FANK1: variants seen among roughly 807,000 people sequenced by gnomAD.
FANK1 encodes the protein fibronectin type 3 and ankyrin repeat domains protein 1.
FANK1 carries 44 observed loss-of-function variants against 45.3 expected under a neutral mutation model. The observed-to-expected ratio is 0.97, with a 90% CI of 0.76 to 1.25. The LOEUF (loss-of-function observed/expected upper bound fraction) is 1.25, where lower values mean the gene tolerates loss of function less well. FANK1 is among the 50% of genes most tolerant of loss of function. FANK1 has a pLI of 0.00. For missense variants in FANK1, 391 were observed against 424.4 expected (o/e 0.92, Z 0.69); for synonymous variants, 149 against 152.5 (o/e 0.98, Z 0.17).
Position 125,930,477 on chromosome 10 carries a change from C to G in FANK1, c.13+33822C>G, listed in dbSNP as rs560957165. Among the ~76,000 whole-genome samples, 3 of 151,890 alleles carry G rather than the reference C, an allele frequency of 2.0e-5. No individual in the cohort carries two copies. The East Asian group carries it at 5.8e-4, about 29-fold the overall frequency. On this transcript the variant is annotated intron_variant, in intron 1 of 10. Transcript: ENST00000368693. ...TCAGCCTCCTGAGCAGCTGGGACAG[C>G]AGGCACAACATGCCACACTCAACTT...
intron 7 of FANK1, among the ~76,000 whole-genome samples, chr10:126,005,307 CT>C (rs35163273): frequency 0.44 from 53,180 of 121,956 alleles, 10,646 homozygotes; most frequent in Non-Finnish European, 0.52. Flanking sequence ...TACTTTCTTT[CT>C]TTTTTTTTTT....
intron 1 of FANK1, among the ~76,000 whole-genome samples, chr10:125,954,012 A>G (rs1028470022): frequency 6.8e-6 from 1 of 148,080 alleles, no homozygotes; most frequent in Non-Finnish European, 1.5e-5. Flanking sequence ...ATGAGAGCAC[A>G]CCGAACGAAG....
At chr10:125,952,732 T>C (rs1949323696) in intron 1 of FANK1, among the ~76,000 whole-genome samples, 1 of 151,722 alleles carries the variant, frequency 6.6e-6, no homozygotes, top group African/African-American at 2.4e-5. Context: ...GTTGTTGTTC[T>C]GTGAGTTGTT....
chr10:125,995,018 G>A, intron 3 of FANK1: 2 of 808,818 alleles, frequency 2.5e-6, no homozygotes, highest in Non-Finnish European at 2.9e-6. Context: ...AAAGCACTTT[G>A]TCTTTTTTTT....
Position 125,980,158 on chromosome 10 carries a change from T to A in FANK1, c.14-3T>A, listed in dbSNP as rs1393030956. ...TGAAGTTCGGTGTCATTCTTTTTTT[T>A]AGAAATCATGCCACCCTCAAAGCCT... On this transcript the variant is annotated splice_polypyrimidine_tract_variant and splice_region_variant and intron_variant, in intron 1 of 10. Coordinates refer to ENST00000368693, the MANE Select transcript of FANK1 (RefSeq NM_145235.5). 1.2e-6 allele frequency: 2 copies of A among 1,606,454 alleles called. No individual in the cohort carries two copies. Among genetic ancestry groups the A allele is most frequent in the Non-Finnish European group, 1.7e-6 (2 of 1,177,442 alleles).
intron 1 of FANK1, among the ~76,000 whole-genome samples, chr10:125,962,906 CTAT>C (rs1379671589): frequency 6.6e-6 from 1 of 151,894 alleles, no homozygotes; most frequent in African/African-American, 2.4e-5. Context: ...CCATTTTCCC[CTAT>C]TATTAACATT....
chr10:126,002,020 T>C (rs1407268098), intron 6 of FANK1, among the ~76,000 whole-genome samples: 1 of 152,068 alleles, frequency 6.6e-6, no homozygotes, highest in African/African-American at 2.4e-5. Flanking sequence ...TATTTAAAAA[T>C]CATGCAGATA....
In FANK1 at chr10:125,980,355, A is replaced by G. The variant is rs1456736437; in HGVS notation, c.191+17A>G. ...CATTTATACGTAGGTGCAGTGTTGA[A>G]TTGCTTGCCACTTTGCCTTACTTCC... On this transcript the variant is annotated intron_variant, in intron 2 of 10. Coordinates refer to ENST00000368693, the MANE Select transcript of FANK1 (RefSeq NM_145235.5). 6.2e-7 allele frequency: 1 copy of G among 1,601,986 alleles called. No individual in the cohort carries two copies. Among genetic ancestry groups the G allele is most frequent in the East Asian group, 2.2e-5 (1 of 44,750 alleles).
At chr10:125,984,341 C>A (rs1951418797) in intron 2 of FANK1, among the ~76,000 whole-genome samples, 1 of 152,306 alleles carries the variant, frequency 6.6e-6, no homozygotes, top group East Asian at 1.9e-4. Flanking sequence ...ACATACTTCA[C>A]TTCTGTGTAT....
At chr10:125,946,012 C>T (rs929046184) in intron 1 of FANK1, among the ~76,000 whole-genome samples, 15 of 152,146 alleles carry the variant, frequency 9.9e-5, no homozygotes, top group Admixed American at 3.3e-4. Context: ...ACACCTCACA[C>T]GGCAGGGTAT....
intron 1 of FANK1, among the ~76,000 whole-genome samples, chr10:125,962,881 T>C (rs771284116): frequency 8.5e-5 from 13 of 152,144 alleles, no homozygotes; most frequent in Admixed American, 3.3e-4. Flanking sequence ...CTCAGAATTC[T>C]CACATAATTT....
At chr10:125,916,163 A>G (rs1405374768) in intron 1 of FANK1, among the ~76,000 whole-genome samples, 1 of 151,856 alleles carries the variant, frequency 6.6e-6, no homozygotes, top group Non-Finnish European at 1.5e-5. Flanking sequence ...TCAGCCTCCC[A>G]AGTAGCAGGG....
rs919860771 is a variant in FANK1 at position 125,924,407 on chromosome 10, C to T, written c.13+27752C>T. Among the ~76,000 whole-genome samples the T allele has an allele frequency of 1.2e-4, 18 of 151,952 alleles. 1 individual carries two copies. Among genetic ancestry groups the T allele is most frequent in the Non-Finnish European group, 2.1e-4 (14 of 67,952 alleles). ...TAGCTGGGACTACAGGTGTGCACCA[C>T]CACGCCCACCTAATTTTTGTATTTT... On this transcript the variant is annotated intron_variant, in intron 1 of 10. Coordinates refer to ENST00000368693, the MANE Select transcript of FANK1 (RefSeq NM_145235.5).
At chr10:126,006,691 C>A (rs1256469028) in intron 7 of FANK1, among the ~76,000 whole-genome samples, 3 of 152,192 alleles carry the variant, frequency 2.0e-5, no homozygotes, top group Non-Finnish European at 4.4e-5. Flanking sequence ...GAAACCCTGT[C>A]TCTACTAAAA....
intron 1 of FANK1, among the ~76,000 whole-genome samples, chr10:125,918,089 A>C: frequency 6.6e-6 from 1 of 152,272 alleles, no homozygotes. Context: ...GAAAAAAGAA[A>C]AAAAAAGGGT....
chr10:125,907,196 G>T (rs576070879), intron 1 of FANK1, among the ~76,000 whole-genome samples: 41 of 152,246 alleles, frequency 2.7e-4, no homozygotes, highest in Non-Finnish European at 5.3e-4. Flanking sequence ...ATTGTGATAG[G>T]CTTGCTTATA....
chr10:125,995,789 C>T (rs1037398892), intron 4 of FANK1, among the ~76,000 whole-genome samples: 5 of 152,038 alleles, frequency 3.3e-5, no homozygotes, highest in East Asian at 1.9e-4. Context: ...GCTTATAAGC[C>T]GCAGCATTTA....
intron 1 of FANK1, among the ~76,000 whole-genome samples, chr10:125,978,378 C>T (rs925706325): frequency 1.2e-4 from 19 of 152,138 alleles, no homozygotes; most frequent in African/African-American, 4.6e-4. Flanking sequence ...GCTTCAGCCC[C>T]TGATCGCCTC....
chr10:125,943,909 C>T (rs1044643256), intron 1 of FANK1, among the ~76,000 whole-genome samples: 12 of 152,196 alleles, frequency 7.9e-5, no homozygotes, highest in South Asian at 2.1e-4. Flanking sequence ...AGTGATAAAG[C>T]GAACTGCGTC....
Sources: gnomAD v4.1 joint callset for allele counts (sites outside exome capture counted in the v4.1 genomes callset) on GRCh38, gnomAD v4.1.1 for gene constraint, MANE v1.5 for transcripts, NCBI Gene and HGNC (gene_info 2026-07-23, HGNC 2026-07-21) for gene names.